Variants in TARS3 observed in about 807,000 individuals in gnomAD.
TARS3 encodes threonyl-tRNA synthetase 3.
TARS3 carries 94 observed loss-of-function variants against 103.5 expected under a neutral mutation model. That is an observed-to-expected ratio of 0.91 (90% confidence interval 0.77 to 1.08). The LOEUF (loss-of-function observed/expected upper bound fraction) is 1.08, where lower values mean the gene tolerates loss of function less well. Among genes scored for constraint, TARS3 ranks in the 50% least tolerant of loss-of-function variants. The pLI, the probability that TARS3 is intolerant of heterozygous loss-of-function variation, is 0.00. For synonymous variants in TARS3, 416 were observed against 355.4 expected (o/e 1.17, Z -1.92); for missense variants, 952 against 995.2 (o/e 0.96, Z 0.58).
intron 10 of TARS3, chr15:101,695,847 G>C (rs1159504983): frequency 6.6e-6 from 1 of 151,986 alleles, no homozygotes; most frequent in African/African-American, 2.4e-5. Context: ...AGAGGTTGTG[G>C]TGAGCTGAGA....
At chr15:101,679,249 C>G (rs1277667407) in intron 12 of TARS3, among the ~76,000 whole-genome samples, 3 of 152,178 alleles carry the variant, frequency 2.0e-5, no homozygotes, top group Non-Finnish European at 2.9e-5. Flanking sequence ...TCCTCTCCTT[C>G]CAAAATTATG....
At chr15:101,655,985 G>A (rs1391092890) in intron 18 of TARS3, 1 of 1,289,226 alleles carries the variant, frequency 7.8e-7, no homozygotes, top group African/African-American at 1.5e-5. Context: ...GGAATCTACA[G>A]CCATGCTTCT....
chr15:101,707,336 T>C (rs1899620435), intron 6 of TARS3, among the ~76,000 whole-genome samples: 1 of 152,150 alleles, frequency 6.6e-6, no homozygotes, highest in Non-Finnish European at 1.5e-5. Context: ...CCCTTCTAAG[T>C]ATATTCCCAA....
Position 101,697,935 on chromosome 15 carries a change from G to T in TARS3, c.1320+3151C>A, listed in dbSNP as rs537530632. Among the ~76,000 whole-genome samples the T allele has an allele frequency of 1.2e-4, 19 of 152,252 alleles. No individual in the cohort carries two copies. In the Middle Eastern group the frequency reaches 0.01, roughly 82 times the overall value. On this transcript the variant is annotated intron_variant, in intron 10 of 18. Coordinates refer to ENST00000335968, the MANE Select transcript of TARS3 (RefSeq NM_152334.3). ...ATGATAAATTTATAGAAAAGGACTCGCAAAGTTTTTAAAGGAATTGTACTA... is the reference window on the plus strand; with the variant it reads ...ATGATAAATTTATAGAAAAGGACTCTCAAAGTTTTTAAAGGAATTGTACTA...
Position 101,654,199 on chromosome 15 carries a change from A to G in TARS3, c.*383T>C, listed in dbSNP as rs1297028330. 2 of 160,712 alleles carry G rather than the reference A, an allele frequency of 1.2e-5. No individual in the cohort carries two copies. Among genetic ancestry groups the G allele is most frequent in the African/African-American group, 4.8e-5 (2 of 41,262 alleles). 10.0% of individuals were successfully genotyped at this position (160,712 alleles called of 1,614,324 possible). ...GAAGTCATAAAAATACCTGAGACATATTAGAAAATAAGATTTTCCCTCCTA... is the reference window on the plus strand; with the variant it reads ...GAAGTCATAAAAATACCTGAGACATGTTAGAAAATAAGATTTTCCCTCCTA... On this transcript the variant is annotated 3_prime_UTR_variant, in exon 19 of 19. Transcript: ENST00000335968.
intron 5 of TARS3, among the ~76,000 whole-genome samples, chr15:101,710,903 G>A (rs1899832138): frequency 6.6e-6 from 1 of 152,178 alleles, no homozygotes; most frequent in African/African-American, 2.4e-5. Flanking sequence ...TGGTGAAGAG[G>A]AGGGAGGAAG....
chr15:101,711,920 T>C lies in TARS3; in HGVS notation c.772A>G (p.Ile258Val), dbSNP rs2033782382. The change falls in exon 5 of 19, where the codon ATT becomes GTT. Residue 258 changes from isoleucine to valine, a missense_variant. Around this residue, in one of 2 missense-constraint regions of TARS3, gnomAD observed 412 missense variants for 364.2 expected, o/e 1.13. Coordinates refer to ENST00000335968, the MANE Select transcript of TARS3 (RefSeq NM_152334.3). Reference sequence around the variant, plus strand: ...ATGTCATAATAAAATCCATTTTCAATGGGCGGACCGTAGCACAGGTGGCCT... The same window carrying C: ...ATGTCATAATAAAATCCATTTTCAACGGGCGGACCGTAGCACAGGTGGCCT... ...YGGHLCYGPPIENGFYYDMFI... is the reference protein window; with the variant it reads ...YGGHLCYGPPVENGFYYDMFI... 1.9e-6 allele frequency: 3 copies of C among 1,613,864 alleles called. No individual in the cohort carries two copies. The highest frequency in any genetic ancestry group is 2.5e-6 in the Non-Finnish European group (3 of 1,179,858).
rs1897216189 is a variant in TARS3, at chr15:101,656,964, T to G, written c.2218A>C (p.Lys740Gln). ...DLDHSCTLNK[K>Q]IRNAQLAQYN... ...TGAGCCAGCTGTGCATTTCGTATTT[T>G]CTTATTTAGTGTACAACTGTGATCC... Residue 740 changes from lysine (K) to glutamine (Q), a missense_variant, in exon 18 of 19, where the codon AAA becomes CAA. Coordinates refer to ENST00000335968, the MANE Select transcript of TARS3 (RefSeq NM_152334.3). The G allele has an allele frequency of 5.6e-6, 9 of 1,613,626 alleles. No homozygotes were observed. Among genetic ancestry groups the G allele is most frequent in the Non-Finnish European group, 7.6e-6 (9 of 1,179,684 alleles).
At chr15:101,675,518 G>A in intron 13 of TARS3, 82 bp downstream of exon 13, 2 of 1,343,716 alleles carry the variant, frequency 1.5e-6, no homozygotes, top group Non-Finnish European at 2.0e-6. Flanking sequence ...ACAAATTATT[G>A]CATCCTCCTG....
chr15:101,711,679 C>T (rs557978917), intron 5 of TARS3, among the ~76,000 whole-genome samples: 25 of 152,294 alleles, frequency 1.6e-4, no homozygotes, highest in Admixed American at 3.9e-4. Context: ...TTCATTAAGG[C>T]GTCTAGCTAA....
chr15:101,696,159 TGA>T (rs1898966572), intron 10 of TARS3: 1 of 135,566 alleles, frequency 7.4e-6, no homozygotes. Flanking sequence ...TGCAGTGAGC[TGA>T]GATCGCGTCA....
At chr15:101,706,720 T>G (rs1899584019) in intron 6 of TARS3, among the ~76,000 whole-genome samples, 1 of 152,204 alleles carries the variant, frequency 6.6e-6, no homozygotes, top group South Asian at 2.1e-4. Flanking sequence ...CCATCACTAC[T>G]ATCGGGGTAT....
intron 15 of TARS3, 30 bp from the exon 16 acceptor site, chr15:101,661,846 T>G: frequency 7.3e-7 from 1 of 1,370,882 alleles, no homozygotes; most frequent in Non-Finnish European, 1.0e-6. Context: ...CATTTAAGTC[T>G]TTTCCTAAGA....
Position 101,657,843 on chromosome 15 carries a change from G to C in TARS3, c.2087C>G (p.Ser696Cys). 1 of 1,605,636 alleles carries C rather than the reference G, an allele frequency of 6.2e-7. No individual in the cohort carries two copies. Among genetic ancestry groups the C allele is most frequent in the Non-Finnish European group, 8.5e-7 (1 of 1,175,266 alleles). The change falls in exon 17 of 19, where the codon TCT becomes TGT. Residue 696 changes from serine to cysteine, a missense_variant. Physicochemically the swap from Ser to Cys is moderately radical, Grantham distance 112. Around this residue, in one of 2 missense-constraint regions of TARS3, gnomAD observed 540 missense variants for 631.0 expected, o/e 0.86. Transcript: ENST00000335968. ...NYGGKWPFWL[S>C]PRQVMVIPVG... ...AGGGATGACCATCACCTGACGAGGA[G>C]ATAGCCAGAAAGGCCTGAAAAATAT...
chr15:101,715,873 G>A lies in TARS3; in HGVS notation c.567-910C>T, dbSNP rs183380265. ...GATGTACCGTTGACAGATTTCTGAT[G>A]TCAATTGAACGCATCACTTCCACGT... On this transcript the variant is annotated intron_variant, in intron 3 of 18. Coordinates refer to ENST00000335968, the MANE Select transcript of TARS3 (RefSeq NM_152334.3). 5.9e-5 allele frequency among the ~76,000 whole-genome samples: 9 copies of A among 152,074 alleles called. No individual in the cohort carries two copies. In the East Asian group the frequency reaches 1.7e-3, roughly 29 times the overall value.
intron 3 of TARS3, among the ~76,000 whole-genome samples, chr15:101,719,214 CCTT>C (rs113352696): frequency 0.015 from 2,301 of 152,318 alleles, 49 homozygotes; most frequent in African/African-American, 0.053. Flanking sequence ...TATTTCTCCT[CCTT>C]CTTTTTTCCA....
At position 101,684,098 on chromosome 15, in the gene TARS3, G is replaced by A; in HGVS notation, c.1627C>T (p.His543Tyr). The change falls in exon 12 of 19, where the codon CAC becomes TAC. Residue 543 changes from histidine to tyrosine, a missense_variant. By Grantham distance (83) the His-to-Tyr change is moderately conservative. Transcript: ENST00000335968. ...ACCTGCTCCACTGTGCAAAAAATGT[G>A]AGCATCGTCCTGCTGGAAGCGCCTC... Reference protein sequence around the residue: ...RVRRFQQDDAHIFCTVEQIEE... With the variant: ...RVRRFQQDDAYIFCTVEQIEE... 3 of 1,613,066 alleles carry A rather than the reference G, an allele frequency of 1.9e-6. No individual in the cohort carries two copies. The highest frequency in any genetic ancestry group is 2.5e-6 in the Non-Finnish European group (3 of 1,179,504).
At chr15:101,671,313 C>T (rs1011755904) in intron 15 of TARS3, among the ~76,000 whole-genome samples, 173 bp downstream of exon 15, 37 of 152,094 alleles carry the variant, frequency 2.4e-4, no homozygotes, top group Admixed American at 1.9e-3. Context: ...CGCTACTAGA[C>T]CAGAAAATTC....
chr15:101,702,337 T>C lies in TARS3; in HGVS notation c.1123A>G (p.Arg375Gly). The change falls in exon 9 of 19, where the codon AGG (arginine) becomes GGG (glycine). Residue 375 changes from arginine (R) to glycine (G), a missense_variant. Around this residue, in one of 2 missense-constraint regions of TARS3, gnomAD observed 540 missense variants for 631.0 expected, o/e 0.86. Transcript: ENST00000335968. ...EGNPEMETLQ[R>G]IYGISFPDNK... is the part of the protein sequence containing the mutation. ...TCAGGAAAGGATATTCCATAGATCCTCTGCAATGTTTCCATTTCCGGATTG... is the reference window on the plus strand; with the variant it reads ...TCAGGAAAGGATATTCCATAGATCCCCTGCAATGTTTCCATTTCCGGATTG... The C allele has an allele frequency of 6.2e-7, 1 of 1,614,052 alleles. No homozygotes were observed. The highest frequency in any genetic ancestry group is 8.5e-7 in the Non-Finnish European group (1 of 1,179,892).
Sources: allele counts gnomAD v4.1 joint callset (sites outside exome capture counted in the v4.1 genomes callset), GRCh38; gene constraint gnomAD v4.1.1; regional missense constraint gnomAD v4.1.1; transcripts MANE v1.5; gene names NCBI Gene and HGNC (gene_info 2026-07-23, HGNC 2026-07-21).